NAALADL2: variants seen among roughly 807,000 people sequenced by gnomAD.
NAALADL2 encodes the protein N-acetylated alpha-linked acidic dipeptidase like 2.
Under a neutral mutation model 87.2 loss-of-function variants are expected in NAALADL2, and 76 were observed. The observed-to-expected ratio is 0.87, with a 90% CI of 0.72 to 1.05. The LOEUF is 1.05. Ranked by LOEUF, NAALADL2 falls within the 50% of genes least tolerant of loss-of-function variation. NAALADL2 has a pLI of 0.00. For synonymous variants in NAALADL2, 354 were observed against 331.0 expected (o/e 1.07, Z -0.75); for missense variants, 1,089 against 945.8 (o/e 1.15, Z -1.99).
chr3:175,750,545 C>A (rs1315199002), intron 12 of NAALADL2, among the ~76,000 whole-genome samples: 1 of 152,012 alleles, frequency 6.6e-6, no homozygotes, highest in Non-Finnish European at 1.5e-5. Context: ...TTATCCTCTA[C>A]GATAGTGAGG....
At chr3:175,648,557 T>A (rs1332294512) in intron 11 of NAALADL2, among the ~76,000 whole-genome samples, 1 of 151,880 alleles carries the variant, frequency 6.6e-6, no homozygotes, top group Non-Finnish European at 1.5e-5. Flanking sequence ...ATACTTTAAT[T>A]TTGAATATGT....
chr3:175,597,772 T>C (rs1488028208), intron 10 of NAALADL2, among the ~76,000 whole-genome samples: 1 of 152,054 alleles, frequency 6.6e-6, no homozygotes, highest in African/African-American at 2.4e-5. Context: ...CATCAAAGGA[T>C]AAAATTGTCC....
intron 4 of NAALADL2, among the ~76,000 whole-genome samples, chr3:175,272,044 C>T (rs1752915131): frequency 6.6e-6 from 1 of 152,042 alleles, no homozygotes; most frequent in Non-Finnish European, 1.5e-5. Flanking sequence ...CTCTTTAGAT[C>T]ACGTTAGCCC....
At chr3:175,431,601 C>T (rs547607703) in intron 5 of NAALADL2, among the ~76,000 whole-genome samples, 4 of 152,026 alleles carry the variant, frequency 2.6e-5, no homozygotes, top group African/African-American at 7.2e-5. Flanking sequence ...ATTTGCAAAG[C>T]GTTCCAAAAA....
chr3:174,493,984 T>C (rs1718367648), intron 1 of NAALADL2, among the ~76,000 whole-genome samples: 1 of 147,916 alleles, frequency 6.8e-6, no homozygotes, highest in Non-Finnish European at 1.5e-5. Flanking sequence ...TGACAAAAAG[T>C]TTTTTTGCAG....
chr3:175,388,196 G>T (rs1365498246), intron 5 of NAALADL2, among the ~76,000 whole-genome samples: 1 of 152,012 alleles, frequency 6.6e-6, no homozygotes, highest in Non-Finnish European at 1.5e-5. Flanking sequence ...AGAAGAGTCT[G>T]GTCATTTTTT....
chr3:174,854,835 C>CTTTTTTTTTTTTTTT (rs68116968), upstream of NAALADL2, among the ~76,000 whole-genome samples: 2 of 111,996 alleles, frequency 1.8e-5, no homozygotes, highest in Non-Finnish European at 3.5e-5. Context: ...GCTTTTTTTT[C>CTTTTTTTTTTTTTTT]TTTTTTTTTT....
chr3:174,501,503 C>A (rs1418814801), intron 1 of NAALADL2, among the ~76,000 whole-genome samples: 2 of 152,096 alleles, frequency 1.3e-5, no homozygotes, highest in Non-Finnish European at 2.9e-5. Flanking sequence ...TAGGAATTTT[C>A]TCCAGTGAAG....
intron 4 of NAALADL2, among the ~76,000 whole-genome samples, chr3:175,310,558 T>A (rs1758239094): frequency 6.6e-6 from 1 of 152,056 alleles, no homozygotes; most frequent in African/African-American, 2.4e-5. Flanking sequence ...TCCCCATTTA[T>A]TATGGCTTTA....
chr3:175,055,737 C>T (rs756670491), intron 1 of NAALADL2, among the ~76,000 whole-genome samples: 5 of 152,130 alleles, frequency 3.3e-5, no homozygotes, highest in Non-Finnish European at 7.3e-5. Flanking sequence ...TGGCCTGACT[C>T]GCTGAGTTTT....
chr3:174,451,343 A>T (rs1048306450), intron 1 of NAALADL2, among the ~76,000 whole-genome samples: 6 of 152,220 alleles, frequency 3.9e-5, no homozygotes, highest in African/African-American at 1.4e-4. Flanking sequence ...TATATCTTTT[A>T]AGAAGGTGGC....
chr3:174,581,105 C>G (rs539811036), intron 2 of NAALADL2, among the ~76,000 whole-genome samples: 26 of 152,026 alleles, frequency 1.7e-4, no homozygotes, highest in African/African-American at 6.0e-4. Context: ...GAAATTGTTT[C>G]AAAAAATAAG....
intron 9 of NAALADL2, among the ~76,000 whole-genome samples, chr3:175,549,809 A>G (rs1220336665): frequency 1.3e-5 from 2 of 152,078 alleles, no homozygotes; most frequent in African/African-American, 2.4e-5. Context: ...GAGGAAACAC[A>G]TCTCCCTTCC....
intron 12 of NAALADL2, among the ~76,000 whole-genome samples, chr3:175,742,587 CG>C (rs1297651033): frequency 2.0e-5 from 3 of 151,918 alleles, no homozygotes; most frequent in Admixed American, 6.6e-5. Flanking sequence ...TTAGTAGAGA[CG>C]GGGTTTCACC....
chr3:174,807,354 A>C lies in NAALADL2; in HGVS notation c.-9+69608A>C, dbSNP rs544224001. 2.6e-5 allele frequency among the ~76,000 whole-genome samples: 4 copies of C among 152,252 alleles called. No homozygotes were observed. In the East Asian group the frequency reaches 7.7e-4, roughly 29 times the overall value. On this transcript the variant is annotated intron_variant, in intron 3 of 3. Coordinates refer to the NAALADL2 transcript ENST00000434257. The stretch of plus-strand genomic sequence containing the variant: ...TTGGGTAGGACTTACATTTGTTAGT[A>C]AAATGCTCTGCTTCTTGCTCATACG...
intron 11 of NAALADL2, among the ~76,000 whole-genome samples, chr3:175,706,396 G>A (rs944558119): frequency 3.3e-5 from 5 of 152,142 alleles, no homozygotes; most frequent in East Asian, 1.9e-4. Context: ...GATTAGCAAC[G>A]ACAACTAATA....
intron 3 of NAALADL2, among the ~76,000 whole-genome samples, chr3:174,749,399 G>C (rs1433756441): frequency 6.6e-6 from 1 of 151,888 alleles, no homozygotes; most frequent in Non-Finnish European, 1.5e-5. Flanking sequence ...CTTATGATTA[G>C]AATGCACTTA....
intron 2 of NAALADL2, among the ~76,000 whole-genome samples, chr3:175,146,788 C>T (rs774518713): frequency 6.6e-6 from 1 of 151,798 alleles, no homozygotes; most frequent in African/African-American, 2.4e-5. Flanking sequence ...AAATTGTTGG[C>T]TTAACTTTTC....
chr3:175,289,553 T>G (rs913841724), intron 4 of NAALADL2, among the ~76,000 whole-genome samples: 3 of 152,056 alleles, frequency 2.0e-5, no homozygotes, highest in African/African-American at 7.2e-5. Flanking sequence ...GAAAAAACCT[T>G]TATAACCTTT....
Sources: allele counts gnomAD v4.1 joint callset (sites outside exome capture counted in the v4.1 genomes callset), GRCh38; gene constraint gnomAD v4.1.1; transcripts MANE v1.5; gene names NCBI Gene and HGNC (gene_info 2026-07-23, HGNC 2026-07-21).